Variants in PATJ observed in about 807,000 individuals in gnomAD.
PATJ encodes PATJ crumbs cell polarity complex component, also known as inaD-like protein.
A neutral mutation model predicts 224.9 loss-of-function variants in PATJ; 190 were observed. The ratio of observed to expected loss-of-function variants is 0.84; its 90% CI spans 0.75 to 0.95. PATJ has a LOEUF of 0.95. PATJ is among the 40% of genes least tolerant of loss of function. The pLI, the probability that PATJ is intolerant of heterozygous loss-of-function variation, is 0.00. For synonymous variants in PATJ, 769 were observed against 820.3 expected (o/e 0.94, Z 1.07); for missense variants, 2,121 against 2,270.3 (o/e 0.93, Z 1.34).
chr1:61,997,966 T>C (rs1209032108), intron 28 of PATJ, among the ~76,000 whole-genome samples: 2 of 131,042 alleles, frequency 1.5e-5, no homozygotes, highest in Non-Finnish European at 3.1e-5. Flanking sequence ...TATAGGTGCA[T>C]GCCACTGTGC....
At chr1:61,925,795 G>C (rs1278265351) in intron 26 of PATJ, among the ~76,000 whole-genome samples, 1 of 152,214 alleles carries the variant, frequency 6.6e-6, no homozygotes, top group East Asian at 1.9e-4. Flanking sequence ...TGGTAAGCCT[G>C]GTTCAGAGAG....
At chr1:62,106,652 C>A (rs1663087419) in intron 33 of PATJ, among the ~76,000 whole-genome samples, 1 of 152,072 alleles carries the variant, frequency 6.6e-6, no homozygotes, top group African/African-American at 2.4e-5. Flanking sequence ...CAACCTCAGC[C>A]ATTTTGGTGG....
chr1:62,114,156 A>G lies in PATJ; in HGVS notation c.4565A>G (p.His1522Arg). Residue 1522 changes from histidine (H) to arginine (R), a missense_variant, in exon 35 of 44, where the codon CAC becomes CGC. Coordinates refer to ENST00000642238, the MANE Select transcript of PATJ (RefSeq NM_001350145.3). ...CTGGTGGTGTATAGAGATGAGGCACACTACCGGGATGAGGAGAACTTGGAG... is the reference window on the plus strand; with the variant it reads ...CTGGTGGTGTATAGAGATGAGGCACGCTACCGGGATGAGGAGAACTTGGAG... ...VRLVVYRDEA[H>R]YRDEENLEIF... The G allele has an allele frequency of 1.2e-6, 2 of 1,614,124 alleles. No individual in the cohort carries two copies. The highest frequency in any genetic ancestry group is 8.5e-7 in the Non-Finnish European group (1 of 1,180,008).
intron 14 of PATJ, among the ~76,000 whole-genome samples, chr1:61,821,483 T>C (rs181444597): frequency 6.6e-6 from 1 of 152,256 alleles, no homozygotes; most frequent in East Asian, 1.9e-4. Context: ...CTCATGTGCG[T>C]GTTGAGGTCT....
At position 61,914,550 on chromosome 1, in the gene PATJ, C is replaced by T. The variant is rs762128887; in HGVS notation, c.3493-37C>T. ...AAAAGGAATGATTATGTCGTTTAAA[C>T]GTTTTCTTCCCCCCACCCCTTTTTT... On this transcript the variant is annotated intron_variant, in intron 25 of 43. Coordinates refer to ENST00000642238, the MANE Select transcript of PATJ (RefSeq NM_001350145.3). The T allele has an allele frequency of 1.3e-4, 130 of 1,005,734 alleles. No individual in the cohort carries two copies. In the East Asian group the frequency reaches 2.6e-3, roughly 20 times the overall value. 62.3% of individuals were successfully genotyped at this position (1,005,734 alleles called of 1,614,324 possible).
At chr1:62,055,859 A>G (rs1196307581) in intron 31 of PATJ, among the ~76,000 whole-genome samples, 1 of 152,196 alleles carries the variant, frequency 6.6e-6, no homozygotes, top group Non-Finnish European at 1.5e-5. Flanking sequence ...GAGAGGTCCC[A>G]CAATAGGCTG....
chr1:62,153,751 G>A (rs930701256), intron 43 of PATJ, among the ~76,000 whole-genome samples: 3 of 152,102 alleles, frequency 2.0e-5, no homozygotes, highest in Non-Finnish European at 4.4e-5. Flanking sequence ...CAGCAACACA[G>A]CATAAGGAGC....
intron 22 of PATJ, among the ~76,000 whole-genome samples, chr1:61,893,341 G>C (rs184793635): frequency 6.6e-6 from 1 of 152,298 alleles, no homozygotes; most frequent in East Asian, 1.9e-4. Context: ...TCATATTCTA[G>C]ATAGAGTGGT....
intron 9 of PATJ, among the ~76,000 whole-genome samples, chr1:61,794,936 C>T (rs193000240): frequency 1.8e-4 from 27 of 151,934 alleles, no homozygotes; most frequent in Admixed American, 9.8e-4. Flanking sequence ...GAGCTGAGAT[C>T]GTGCCATTGC....
At chr1:62,137,824 C>A (rs1023341065) in intron 41 of PATJ, among the ~76,000 whole-genome samples, 63 of 152,010 alleles carry the variant, frequency 4.1e-4, no homozygotes, top group Non-Finnish European at 6.8e-4. Flanking sequence ...TTTCTTCCTG[C>A]TTTTTCTTCA....
intron 41 of PATJ, among the ~76,000 whole-genome samples, chr1:62,133,233 T>C (rs558807134): frequency 3.3e-4 from 49 of 150,408 alleles, no homozygotes; most frequent in African/African-American, 1.0e-3. Flanking sequence ...TTTTTTATCA[T>C]GTACTGTACT....
At chr1:62,009,288 C>T (rs936379619) in intron 28 of PATJ, among the ~76,000 whole-genome samples, 12 of 151,978 alleles carry the variant, frequency 7.9e-5, no homozygotes, top group Admixed American at 7.2e-4. Context: ...TCTAGACTAC[C>T]ACAATAAAGC....
chr1:62,140,170 C>T (rs905857682), intron 41 of PATJ, among the ~76,000 whole-genome samples: 3 of 152,148 alleles, frequency 2.0e-5, no homozygotes, highest in African/African-American at 7.2e-5. Context: ...GATTCCACTT[C>T]TACAAAATAG....
At chr1:62,134,684 ACT>A (rs1666640855) in intron 41 of PATJ, among the ~76,000 whole-genome samples, 1 of 151,344 alleles carries the variant, frequency 6.6e-6, no homozygotes, top group African/African-American at 2.4e-5. Context: ...TTGTTTAGAA[ACT>A]CTCCATCGAA....
intron 7 of PATJ, among the ~76,000 whole-genome samples, chr1:61,785,366 C>T (rs1648286926): frequency 6.6e-6 from 1 of 152,124 alleles, no homozygotes; most frequent in Non-Finnish European, 1.5e-5. Flanking sequence ...GATTGACTTG[C>T]TACAGTAATG....
intron 30 of PATJ, among the ~76,000 whole-genome samples, chr1:62,049,408 G>C (rs1653177865): frequency 6.6e-6 from 1 of 152,016 alleles, no homozygotes; most frequent in Non-Finnish European, 1.5e-5. Context: ...TTTGATAGTT[G>C]AAAGAATGCT....
intron 27 of PATJ, among the ~76,000 whole-genome samples, chr1:61,937,800 G>A (rs910378764): frequency 4.6e-5 from 7 of 151,934 alleles, no homozygotes; most frequent in East Asian, 3.9e-4. Flanking sequence ...ACAGGCATGC[G>A]CCACCACACC....
rs1669899634 is a variant in PATJ at position 62,162,380 on chromosome 1, G to T, written c.*1326G>T. 1 of 152,188 alleles carries T rather than the reference G, an allele frequency of 6.6e-6. No homozygotes were observed. Among genetic ancestry groups the T allele is most frequent in the Non-Finnish European group, 1.5e-5 (1 of 68,060 alleles). 9.4% of individuals were successfully genotyped at this position (152,188 alleles called of 1,614,324 possible). A position where few individuals can be genotyped will look rare whatever the true frequency, so the allele number is the denominator to read the frequency against. On this transcript the variant is annotated 3_prime_UTR_variant, in exon 44 of 44. Transcript: ENST00000642238. ...TTCCCTTTACCTCCATAGTAGTCAG[G>T]CCAGCAGCATGGACTGCAAGAACCT...
chr1:62,078,844 T>C (rs773656436), intron 31 of PATJ: 37 of 151,562 alleles, frequency 2.4e-4, no homozygotes, highest in African/African-American at 9.0e-4. Flanking sequence ...TGGAACATAG[T>C]AGGGACTCAA....
Sources: gnomAD v4.1 joint callset for allele counts (sites outside exome capture counted in the v4.1 genomes callset) on GRCh38, gnomAD v4.1.1 for gene constraint, MANE v1.5 for transcripts, NCBI Gene and HGNC (gene_info 2026-07-23, HGNC 2026-07-21) for gene names.